NLGN1: variants seen among roughly 807,000 people sequenced by gnomAD.
NLGN1 encodes the protein neuroligin 1.
In NLGN1, 12 loss-of-function variants were observed where a neutral mutation model predicts 65.5. The observed-to-expected ratio is 0.18, with a 90% CI of 0.12 to 0.30. NLGN1 has a LOEUF of 0.30. NLGN1 is among the 10% of genes least tolerant of loss of function. The pLI is 1.00. For missense variants in NLGN1, 750 were observed against 1,007.1 expected, an observed-to-expected ratio of 0.74 and a Z score of 3.46; for synonymous variants, 350 against 359.5, an observed-to-expected ratio of 0.97 and a Z score of 0.30.
At chr3:173,433,738 A>G (rs113711654) in intron 1 of NLGN1, among the ~76,000 whole-genome samples, 2 of 152,174 alleles carry the variant, frequency 1.3e-5, no homozygotes, top group African/African-American at 4.8e-5. Flanking sequence ...CCTTATATCT[A>G]TTTAATTGAG....
At chr3:174,160,768 T>G (rs975732399) in intron 4 of NLGN1, among the ~76,000 whole-genome samples, 3 of 151,530 alleles carry the variant, frequency 2.0e-5, no homozygotes, top group Non-Finnish European at 4.4e-5. Context: ...CCCCAAGCAT[T>G]TATCCTTTGT....
intron 2 of NLGN1, among the ~76,000 whole-genome samples, chr3:173,493,792 T>C (rs1729561069): frequency 6.6e-6 from 1 of 151,720 alleles, no homozygotes. Flanking sequence ...CAAATACACA[T>C]AGAAAAAGAT....
chr3:173,723,330 C>CACAAAAA (rs1771179507), intron 3 of NLGN1, among the ~76,000 whole-genome samples: 2 of 152,074 alleles, frequency 1.3e-5, no homozygotes, highest in Non-Finnish European at 2.9e-5. Context: ...ACAAAAACTG[C>CACAAAAA]CCTGAAAATG....
At chr3:173,629,533 T>C (rs540792425) in intron 3 of NLGN1, among the ~76,000 whole-genome samples, 42 of 152,298 alleles carry the variant, frequency 2.8e-4, no homozygotes, top group African/African-American at 8.4e-4. Flanking sequence ...GACTTAGCTT[T>C]AGGTATGATT....
intron 2 of NLGN1, among the ~76,000 whole-genome samples, chr3:173,469,639 TAA>T (rs543661410): frequency 1.4e-5 from 2 of 141,882 alleles, no homozygotes; most frequent in African/African-American, 2.6e-5. Flanking sequence ...TTTTAAAAAC[TAA>T]AAAAAAAAAA....
rs961961596 is a variant in NLGN1, at chr3:173,727,758, G to A, written c.494-79922G>A. Among the ~76,000 whole-genome samples, 6 of 152,138 alleles carry A rather than the reference G, an allele frequency of 3.9e-5. No homozygotes were observed. The South Asian group carries it at 6.2e-4, about 16-fold the overall frequency. On this transcript the variant is annotated intron_variant, in intron 3 of 6. Transcript: ENST00000457714. ...CAAATCCTTTATAGCTCAGAATTTC[G>A]GTTTAAAGTGACTTTTGAAATGAAG...
chr3:174,062,148 A>C (rs1239818054), intron 4 of NLGN1, among the ~76,000 whole-genome samples: 1 of 152,130 alleles, frequency 6.6e-6, no homozygotes, highest in Non-Finnish European at 1.5e-5. Flanking sequence ...ATTTCAACTT[A>C]ATTCAAATCC....
intron 3 of NLGN1, among the ~76,000 whole-genome samples, chr3:173,795,827 A>G (rs1218275245): frequency 2.0e-5 from 3 of 152,212 alleles, no homozygotes; most frequent in Non-Finnish European, 2.9e-5. Flanking sequence ...TTGCTCCAGA[A>G]CAACAATGGC....
chr3:173,954,156 G>T (rs534571355), intron 4 of NLGN1, among the ~76,000 whole-genome samples: 1 of 151,924 alleles, frequency 6.6e-6, no homozygotes, highest in Non-Finnish European at 1.5e-5. Context: ...AAAAAAATGC[G>T]TATGTTTATT....
intron 4 of NLGN1, among the ~76,000 whole-genome samples, chr3:173,822,316 C>T (rs34096808): frequency 0.031 from 4,688 of 152,106 alleles, 112 homozygotes; most frequent in Non-Finnish European, 0.047. Flanking sequence ...TGGAACTGCT[C>T]GGGGATTCCA....
At position 174,275,202 on chromosome 3, in the gene NLGN1, A is replaced by G. The variant is rs930317456; in HGVS notation, c.647-113A>G. The G allele has an allele frequency of 7.0e-6, 5 of 716,636 alleles. No homozygotes were observed. The East Asian group carries it at 1.0e-4, about 15-fold the overall frequency. 44.4% of individuals were successfully genotyped at this position (716,636 alleles called of 1,614,324 possible). A position where few individuals can be genotyped will look rare whatever the true frequency, so the allele number is the denominator to read the frequency against. Reference sequence around the variant, plus strand: ...TTATAGTGGAAAATAATTTTTACTAATGAACTTGGACTGTCCCTACCTTGA... The same window carrying G: ...TTATAGTGGAAAATAATTTTTACTAGTGAACTTGGACTGTCCCTACCTTGA... On this transcript the variant is annotated intron_variant, in intron 4 of 6. Coordinates refer to ENST00000457714, the Ensembl canonical transcript of NLGN1.
chr3:173,504,892 G>C (rs1341176641), intron 2 of NLGN1, among the ~76,000 whole-genome samples: 1 of 151,954 alleles, frequency 6.6e-6, no homozygotes, highest in African/African-American at 2.4e-5. Flanking sequence ...ACTTCCTCAA[G>C]ACGAAAAACT....
At chr3:174,025,451 T>C (rs1036724143) in intron 4 of NLGN1, among the ~76,000 whole-genome samples, 5 of 152,258 alleles carry the variant, frequency 3.3e-5, no homozygotes, top group Middle Eastern at 6.8e-3. Context: ...ATATTCAACA[T>C]CTAGATTTGA....
intron 4 of NLGN1, among the ~76,000 whole-genome samples, chr3:173,842,901 T>C (rs1044452146): frequency 6.6e-6 from 1 of 151,980 alleles, no homozygotes; most frequent in African/African-American, 2.4e-5. Context: ...TGTGTAGGGG[T>C]TCCAACCCCA....
chr3:173,806,233 A>G (rs1382903598), intron 3 of NLGN1, among the ~76,000 whole-genome samples: 1 of 152,158 alleles, frequency 6.6e-6, no homozygotes, highest in Non-Finnish European at 1.5e-5. Context: ...ACCTAAAATG[A>G]TTCTTCATTT....
intron 4 of NLGN1, among the ~76,000 whole-genome samples, chr3:174,242,870 A>G (rs1246278447): frequency 1.3e-5 from 2 of 152,206 alleles, no homozygotes; most frequent in African/African-American, 2.4e-5. Flanking sequence ...GTTGGCGACC[A>G]GTGCCAAAAA....
chr3:173,634,069 CT>C (rs1756182361), intron 3 of NLGN1, among the ~76,000 whole-genome samples: 1 of 152,072 alleles, frequency 6.6e-6, no homozygotes, highest in Non-Finnish European at 1.5e-5. Flanking sequence ...TAAAGGTAAC[CT>C]TGCCTAAATC....
At chr3:173,588,229 A>G (rs1747835724) in intron 2 of NLGN1, among the ~76,000 whole-genome samples, 1 of 152,208 alleles carries the variant, frequency 6.6e-6, no homozygotes, top group Admixed American at 6.5e-5. Context: ...TTAAAACATC[A>G]TGAGGTAGCT....
intron 4 of NLGN1, among the ~76,000 whole-genome samples, chr3:173,824,178 A>G (rs1036900634): frequency 7.9e-5 from 12 of 152,116 alleles, no homozygotes; most frequent in Admixed American, 5.9e-4. Context: ...GATAATTCTG[A>G]GAGCTGAATA....
Sources: allele counts gnomAD v4.1 joint callset (sites outside exome capture counted in the v4.1 genomes callset), GRCh38; gene constraint gnomAD v4.1.1; transcripts MANE v1.5; gene names NCBI Gene and HGNC (gene_info 2026-07-23, HGNC 2026-07-21).